PRKG1: variants seen among roughly 807,000 people sequenced by gnomAD.
PRKG1 encodes protein kinase cGMP-dependent 1, also known as cGMP-dependent protein kinase 1.
In PRKG1, 35 loss-of-function variants were observed where a neutral mutation model predicts 88.1. The observed-to-expected ratio is 0.40, with a 90% CI of 0.30 to 0.53. PRKG1 has a LOEUF of 0.53. PRKG1 is among the 20% of genes least tolerant of loss of function. The pLI is 0.59. For missense variants in PRKG1, 540 were observed against 839.8 expected, an observed-to-expected ratio of 0.64 and a Z score of 4.41; for synonymous variants, 303 against 292.5, an observed-to-expected ratio of 1.04 and a Z score of -0.37.
chr10:51,868,649 ATTC>A (rs1306403149), intron 4 of PRKG1, among the ~76,000 whole-genome samples: 2 of 151,988 alleles, frequency 1.3e-5, no homozygotes, highest in Admixed American at 1.3e-4. Context: ...CCCCCTAAAG[ATTC>A]TTCTTTGTGC....
chr10:51,222,122 G>GCCCCCCCCCCCCCCCCCCCCC (rs747668688), intron 2 of PRKG1, among the ~76,000 whole-genome samples: 4 of 114,412 alleles, frequency 3.5e-5, no homozygotes, highest in Non-Finnish European at 5.0e-5. Flanking sequence ...CGTGATCCGC[G>GCCCCCCCCCCCCCCCCCCCCC]CCCCCCCCCG....
intron 2 of PRKG1, among the ~76,000 whole-genome samples, chr10:51,316,369 G>A (rs1279959685): frequency 6.6e-6 from 1 of 152,172 alleles, no homozygotes; most frequent in Admixed American, 6.5e-5. Flanking sequence ...CTTAAATCAT[G>A]TAAGGAATAT....
chr10:51,805,946 C>A (rs1839294371), intron 4 of PRKG1, among the ~76,000 whole-genome samples: 1 of 151,866 alleles, frequency 6.6e-6, no homozygotes, highest in Non-Finnish European at 1.5e-5. Flanking sequence ...ATGTAAATTC[C>A]TATTTGAAAT....
intron 5 of PRKG1, among the ~76,000 whole-genome samples, chr10:51,922,795 A>G (rs962547829): frequency 6.6e-6 from 1 of 151,938 alleles, no homozygotes; most frequent in Non-Finnish European, 1.5e-5. Context: ...TTTGTTAAGA[A>G]ATTTTTTATG....
chr10:52,022,537 CT>C (rs1359468097), intron 5 of PRKG1, among the ~76,000 whole-genome samples: 2 of 151,976 alleles, frequency 1.3e-5, no homozygotes, highest in African/African-American at 2.4e-5. Flanking sequence ...ATATAGTTAC[CT>C]TTTTTATTCT....
At chr10:52,261,312 C>T (rs1589741898) in intron 10 of PRKG1, among the ~76,000 whole-genome samples, 2 of 151,878 alleles carry the variant, frequency 1.3e-5, no homozygotes, top group East Asian at 1.9e-4. Flanking sequence ...TTAAGGTAAA[C>T]GAAGAAAGAA....
At chr10:51,570,049 G>GTATATATATATATATATATATATA (rs10617123) in intron 3 of PRKG1, among the ~76,000 whole-genome samples, 12 of 128,810 alleles carry the variant, frequency 9.3e-5, no homozygotes, top group South Asian at 4.9e-4. Flanking sequence ...ACCCAAACTA[G>GTATATATATATATATATATATATA]TATATATATA....
chr10:52,043,063 G>C (rs1845786131), intron 5 of PRKG1, among the ~76,000 whole-genome samples: 1 of 151,982 alleles, frequency 6.6e-6, no homozygotes, highest in Admixed American at 6.6e-5. Context: ...TTATCTAAAA[G>C]ATAAAAGAAA....
At chr10:51,495,282 G>A (rs558815447) in intron 3 of PRKG1, among the ~76,000 whole-genome samples, 13 of 152,184 alleles carry the variant, frequency 8.5e-5, no homozygotes, top group Non-Finnish European at 1.6e-4. Flanking sequence ...TTTTAGTAGA[G>A]ATGTGTTTCA....
chr10:51,804,773 G>C (rs1839262087), intron 4 of PRKG1, 83 bp downstream of exon 4: 9 of 965,310 alleles, frequency 9.3e-6, no homozygotes, highest in Non-Finnish European at 1.4e-5. Flanking sequence ...TGAATTTCAG[G>C]GTGCTTTTTG....
chr10:51,291,611 C>T (rs1195191036), intron 2 of PRKG1, among the ~76,000 whole-genome samples: 1 of 152,038 alleles, frequency 6.6e-6, no homozygotes, highest in Non-Finnish European at 1.5e-5. Context: ...CCGCTGAAGC[C>T]CTGAAAACTG....
At chr10:51,383,231 T>C (rs1242322987) in intron 2 of PRKG1, among the ~76,000 whole-genome samples, 1 of 152,020 alleles carries the variant, frequency 6.6e-6, no homozygotes, top group Non-Finnish European at 1.5e-5. Flanking sequence ...GCTACTGTCT[T>C]ATTATCCTGA....
chr10:51,310,469 G>T (rs1284071989), intron 2 of PRKG1, among the ~76,000 whole-genome samples: 1 of 152,134 alleles, frequency 6.6e-6, no homozygotes. Flanking sequence ...CATAGCAAAC[G>T]CAGAAAGTAC....
intron 2 of PRKG1, among the ~76,000 whole-genome samples, chr10:51,438,392 A>T (rs1564494927): frequency 6.6e-6 from 1 of 151,852 alleles, no homozygotes; most frequent in East Asian, 1.9e-4. Context: ...CCAGATTCTC[A>T]TTGAAGATAG....
Position 51,804,621 on chromosome 10 carries a change from A to C in PRKG1, c.629A>C (p.Gln210Pro). The change falls in exon 4 of 18, where the codon CAA (glutamine) becomes CCA (proline). Residue 210 changes from glutamine to proline, a missense_variant. Physicochemically the swap from Gln to Pro is moderately conservative, Grantham distance 76 (BLOSUM62 -1). Transcript: ENST00000373980. The stretch of plus-strand genomic sequence containing the variant: ...GTAAAACTCTGGGCCATTGATCGAC[A>C]ATGTTTTCAAACAATAATGATGAGG... ...VNVKLWAIDR[Q>P]CFQTIMMRTG... 5 of 1,604,394 alleles carry C rather than the reference A, an allele frequency of 3.1e-6. No homozygotes were observed. The highest frequency in any genetic ancestry group is 4.3e-6 in the Non-Finnish European group (5 of 1,171,672).
At chr10:51,387,474 T>C (rs1004051870) in intron 2 of PRKG1, among the ~76,000 whole-genome samples, 19 of 151,994 alleles carry the variant, frequency 1.3e-4, no homozygotes, top group African/African-American at 4.6e-4. Flanking sequence ...TATAAAGTCC[T>C]TGCAGTCCAT....
intron 4 of PRKG1, among the ~76,000 whole-genome samples, chr10:51,843,861 T>C (rs1202678202): frequency 6.6e-6 from 1 of 152,202 alleles, no homozygotes; most frequent in Non-Finnish European, 1.5e-5. Flanking sequence ...TTCTGCCTTT[T>C]TTATTGTTCC....
In PRKG1 at chr10:51,887,843, C is replaced by A. The variant is rs998110734; in HGVS notation, c.699-19664C>A. On this transcript the variant is annotated intron_variant, in intron 4 of 17. Coordinates refer to ENST00000373980, the MANE Select transcript of PRKG1 (RefSeq NM_006258.4). ...ACTCTCCTTTATATTGGACATTAAT[C>A]TCTTATGAGATAGGTGGTAGCCAGA... 1.8e-4 allele frequency among the ~76,000 whole-genome samples: 27 copies of A among 152,082 alleles called. 1 individual carries two copies. Among genetic ancestry groups the A allele is most frequent in the Admixed American group, 1.8e-3 (27 of 15,250 alleles).
intron 5 of PRKG1, among the ~76,000 whole-genome samples, chr10:51,944,026 A>G (rs1257029017): frequency 6.6e-6 from 1 of 152,028 alleles, no homozygotes; most frequent in Non-Finnish European, 1.5e-5. Context: ...TTCAGAAGGA[A>G]TGGTACCAGT....
Sources: allele counts gnomAD v4.1 joint callset (sites outside exome capture counted in the v4.1 genomes callset), GRCh38; gene constraint gnomAD v4.1.1; transcripts MANE v1.5; gene names NCBI Gene and HGNC (gene_info 2026-07-23, HGNC 2026-07-21).